Variants in ANO4 observed in about 807,000 individuals in gnomAD.
ANO4 encodes the protein anoctamin 4.
ANO4 carries 69 observed loss-of-function variants against 141.9 expected under a neutral mutation model. That is an observed-to-expected ratio of 0.49 (90% confidence interval 0.40 to 0.59). The LOEUF (loss-of-function observed/expected upper bound fraction) is 0.59. Ranked by LOEUF, ANO4 falls within the 20% of genes least tolerant of loss-of-function variation. ANO4 has a pLI of 0.00. For synonymous variants in ANO4, 350 were observed against 394.3 expected (o/e 0.89, Z 1.33); for missense variants, 894 against 1,162.2 (o/e 0.77, Z 3.36).
intron 1 of ANO4, among the ~76,000 whole-genome samples, chr12:100,819,516 CT>C (rs2135730843): frequency 6.6e-6 from 1 of 151,854 alleles, no homozygotes; most frequent in South Asian, 2.1e-4. Flanking sequence ...TTTTAGTGTG[CT>C]CAATTTTATG....
intron 1 of ANO4, among the ~76,000 whole-genome samples, chr12:100,730,692 T>A (rs2031346440): frequency 6.6e-6 from 1 of 152,178 alleles, no homozygotes; most frequent in African/African-American, 2.4e-5. Context: ...CAGTGTAATC[T>A]TGCATGCCCA....
chr12:100,747,991 C>A (rs1410510093), intron 3 of ANO4, among the ~76,000 whole-genome samples: 1 of 152,140 alleles, frequency 6.6e-6, no homozygotes, highest in African/African-American at 2.4e-5. Context: ...AGATCACTTC[C>A]CAGGAGTCTA....
intron 3 of ANO4, among the ~76,000 whole-genome samples, chr12:100,756,215 C>T (rs1340595540): frequency 1.3e-5 from 2 of 152,116 alleles, no homozygotes; most frequent in Admixed American, 1.3e-4. Context: ...TTTTTGAAAG[C>T]TTTAAAAGGG....
chr12:101,072,345 C>A (rs770870916), intron 14 of ANO4, among the ~76,000 whole-genome samples: 26 of 152,152 alleles, frequency 1.7e-4, no homozygotes, highest in Non-Finnish European at 2.5e-4. Context: ...TTTGTGGACA[C>A]ATCTGAGATA....
At chr12:100,778,873 A>G (rs2033622571) in intron 3 of ANO4, among the ~76,000 whole-genome samples, 1 of 152,172 alleles carries the variant, frequency 6.6e-6, no homozygotes, top group Non-Finnish European at 1.5e-5. Flanking sequence ...TTTATCACAT[A>G]CCAATTTATA....
intron 1 of ANO4, among the ~76,000 whole-genome samples, chr12:100,820,355 CAA>C (rs10713790): frequency 0.039 from 5,490 of 141,158 alleles, 96 homozygotes; most frequent in African/African-American, 0.055. Flanking sequence ...GTCGGTTTCT[CAA>C]AAAAAAAAAA....
At position 100,997,274 on chromosome 12, in the gene ANO4, C is replaced by A. The variant is rs184105992; in HGVS notation, c.734+9604C>A. On this transcript the variant is annotated intron_variant, in intron 8 of 27. Transcript: ENST00000392977. ...GCTTGAACCCTGGAGGCGGAGGTTG[C>A]AGTGAGCCGAGATCCCACCACTGCA... Among the ~76,000 whole-genome samples the A allele has an allele frequency of 9.1e-5, 13 of 142,578 alleles. No individual in the cohort carries two copies. In the East Asian group the frequency reaches 2.7e-3, roughly 30 times the overall value. The allele number at this position is 142,578 out of a possible 152,430, so 93.5% of individuals were successfully genotyped here.
intron 8 of ANO4, among the ~76,000 whole-genome samples, chr12:101,000,061 A>AAAT (rs1024338145): frequency 6.6e-6 from 1 of 151,776 alleles, no homozygotes; most frequent in African/African-American, 2.4e-5. Context: ...AAAAAAAAAA[A>AAAT]AAAAGGCTTA....
intron 14 of ANO4, among the ~76,000 whole-genome samples, chr12:101,075,831 C>T (rs1277971968): frequency 6.6e-6 from 1 of 151,790 alleles, no homozygotes; most frequent in East Asian, 1.9e-4. Context: ...ACTAGGCACA[C>T]TGAAAGTGCA....
chr12:100,792,836 T>C (rs1178647525), upstream of ANO4, among the ~76,000 whole-genome samples: 2 of 152,252 alleles, frequency 1.3e-5, no homozygotes, highest in Non-Finnish European at 2.9e-5. Context: ...ATTCTTGATA[T>C]GCTGCCCATG....
chr12:101,001,280 C>A (rs914672115), intron 8 of ANO4, among the ~76,000 whole-genome samples: 2 of 152,192 alleles, frequency 1.3e-5, no homozygotes, highest in African/African-American at 2.4e-5. Context: ...TGTAGTCACA[C>A]TGTGCATTAA....
Position 100,857,809 on chromosome 12 carries a change from A to G in ANO4, c.-140-43837A>G, listed in dbSNP as rs1258384344. 2.6e-5 allele frequency among the ~76,000 whole-genome samples: 4 copies of G among 152,190 alleles called. No homozygotes were observed. In the East Asian group the frequency reaches 7.7e-4, roughly 29 times the overall value. On this transcript the variant is annotated intron_variant, in intron 1 of 27. Coordinates refer to ENST00000392977, the MANE Select transcript of ANO4 (RefSeq NM_001286615.2). ...ACTACAGCCTCCTCAAACCAAAATT[A>G]TAAAATAACCTACATCACTCTGAAA...
chr12:100,776,356 C>G (rs2033504157), intron 3 of ANO4, among the ~76,000 whole-genome samples: 1 of 152,120 alleles, frequency 6.6e-6, no homozygotes, highest in Admixed American at 6.6e-5. Flanking sequence ...TTGTAGCTCT[C>G]CAGACCGACC....
intron 5 of ANO4, among the ~76,000 whole-genome samples, chr12:100,969,212 C>T (rs957318599): frequency 6.6e-6 from 1 of 152,158 alleles, no homozygotes; most frequent in Non-Finnish European, 1.5e-5. Flanking sequence ...TGTGTGGTCC[C>T]TCCATGCCAA....
At chr12:101,014,237 C>T (rs2046224476) in intron 8 of ANO4, among the ~76,000 whole-genome samples, 1 of 152,212 alleles carries the variant, frequency 6.6e-6, no homozygotes. Context: ...CAGTTGGCCA[C>T]AGGAAGAACC....
chr12:101,126,780 C>A, intron 26 of ANO4, 99 bp from the exon 27 acceptor site: 1 of 1,138,286 alleles, frequency 8.8e-7, no homozygotes, highest in Non-Finnish European at 1.3e-6. Flanking sequence ...TTGCACTCTC[C>A]ACATACCCCA....
intron 1 of ANO4, among the ~76,000 whole-genome samples, chr12:100,796,626 C>CAA (rs201100078): frequency 7.4e-5 from 10 of 134,560 alleles, no homozygotes; most frequent in African/African-American, 1.9e-4. Flanking sequence ...AGGTTAACAG[C>CAA]AAAAAAAAAA....
intron 2 of ANO4, among the ~76,000 whole-genome samples, chr12:100,911,650 C>T (rs1213143858): frequency 6.6e-6 from 1 of 152,092 alleles, no homozygotes; most frequent in African/African-American, 2.4e-5. Context: ...AGATTTCTTT[C>T]TGGAACCAAT....
intron 5 of ANO4, among the ~76,000 whole-genome samples, chr12:100,960,137 G>A (rs2043351188): frequency 6.6e-6 from 1 of 152,118 alleles, no homozygotes; most frequent in South Asian, 2.1e-4. Flanking sequence ...GTGGGCTAAG[G>A]AGCTCAGATT....
Sources: gnomAD v4.1 joint callset for allele counts (sites outside exome capture counted in the v4.1 genomes callset) on GRCh38, gnomAD v4.1.1 for gene constraint, MANE v1.5 for transcripts, NCBI Gene and HGNC (gene_info 2026-07-23, HGNC 2026-07-21) for gene names.